RGS18: variants seen among roughly 807,000 people sequenced by gnomAD.
The protein encoded by RGS18 is regulator of G-protein signaling 18.
In RGS18, 22 loss-of-function variants were observed where a neutral mutation model predicts 27.6. The observed-to-expected ratio is 0.80, with a 90% CI of 0.57 to 1.14. The LOEUF (loss-of-function observed/expected upper bound fraction) is 1.14, where lower values mean the gene tolerates loss of function less well. RGS18 is among the 50% of genes most tolerant of loss of function. RGS18 has a pLI of 0.00. For missense variants in RGS18, 299 were observed against 269.6 expected (o/e 1.11, Z -0.76); for synonymous variants, 89 against 84.6 (o/e 1.05, Z -0.29).
chr1:192,180,088 C>A (rs955805241), intron 3 of RGS18, among the ~76,000 whole-genome samples: 3 of 151,518 alleles, frequency 2.0e-5, no homozygotes, highest in Non-Finnish European at 3.0e-5. Context: ...GTTGAAAGAG[C>A]GTTTTTGAAG....
In RGS18 at chr1:192,170,276, GC is replaced by G. The variant is rs1656232316; in HGVS notation, c.283+9839del. On this transcript the variant is annotated intron_variant, in intron 3 of 4. Coordinates refer to ENST00000367460, the MANE Select transcript of RGS18 (RefSeq NM_130782.3). ...ATGTGACCTCTGAAGCTGAAAGTGA[GC>G]CTAGTGGGAGACATTTGGGTCACGG... Among the ~76,000 whole-genome samples, 3 of 152,132 alleles carry G rather than the reference GC, an allele frequency of 2.0e-5. No homozygotes were observed. The South Asian group carries it at 6.2e-4, about 32-fold the overall frequency.
chr1:192,181,709 C>T (rs535909837), intron 4 of RGS18, among the ~76,000 whole-genome samples: 31 of 151,606 alleles, frequency 2.0e-4, no homozygotes, highest in African/African-American at 5.5e-4. Context: ...TGATAATATT[C>T]AATATGTTCT....
chr1:192,177,307 C>G (rs1373643678), intron 3 of RGS18, among the ~76,000 whole-genome samples: 1 of 150,370 alleles, frequency 6.7e-6, no homozygotes, highest in Admixed American at 6.6e-5. Context: ...TTGTCCATAT[C>G]TCTTGTAAAT....
chr1:192,163,951 T>A (rs1656116369), intron 3 of RGS18, among the ~76,000 whole-genome samples: 1 of 151,778 alleles, frequency 6.6e-6, no homozygotes, highest in South Asian at 2.1e-4. Context: ...TCAAATTTTA[T>A]CAAATTTCCT....
intron 1 of RGS18, 125 bp downstream of exon 1, chr1:192,158,881 G>GAA: frequency 7.6e-6 from 5 of 661,118 alleles, no homozygotes; most frequent in Middle Eastern, 2.9e-4. Flanking sequence ...TATAATTTGG[G>GAA]AAAAAAAAAC....
chr1:192,182,736 T>C (rs763037643), intron 4 of RGS18, among the ~76,000 whole-genome samples: 13 of 151,606 alleles, frequency 8.6e-5, no homozygotes, highest in Non-Finnish European at 1.6e-4. Context: ...TTTAGATTCA[T>C]TCACTTATTC....
chr1:192,165,610 G>A (rs1316713803), intron 3 of RGS18, among the ~76,000 whole-genome samples: 1 of 152,090 alleles, frequency 6.6e-6, no homozygotes, highest in Non-Finnish European at 1.5e-5. Context: ...TCTCAGACTG[G>A]CCGACACTTA....
chr1:192,184,251 A>G (rs763412700), intron 4 of RGS18, 46 bp from the exon 5 acceptor site: 53 of 1,555,250 alleles, frequency 3.4e-5, no homozygotes, highest in Non-Finnish European at 4.5e-5. Context: ...AAAGTTGTTT[A>G]TATAAGCATA....
chr1:192,164,407 G>T (rs902913768), intron 3 of RGS18, among the ~76,000 whole-genome samples: 10 of 152,042 alleles, frequency 6.6e-5, no homozygotes, highest in African/African-American at 2.4e-4. Context: ...AAAGGTCACT[G>T]ATTTTTGCTC....
chr1:192,183,237 T>C (rs1656485539), intron 4 of RGS18, among the ~76,000 whole-genome samples: 1 of 151,464 alleles, frequency 6.6e-6, no homozygotes, highest in African/African-American at 2.4e-5. Context: ...CCAACCACCA[T>C]CAGAACCAGA....
At chr1:192,159,939 T>TA (rs572604793) in intron 2 of RGS18, among the ~76,000 whole-genome samples, 15 of 150,442 alleles carry the variant, frequency 1.0e-4, no homozygotes, top group East Asian at 5.8e-4. Flanking sequence ...TGTATCCGTT[T>TA]AAAAAAAAAA....
At chr1:192,162,316 T>G (rs973706437) in intron 3 of RGS18, among the ~76,000 whole-genome samples, 2 of 152,170 alleles carry the variant, frequency 1.3e-5, no homozygotes, top group African/African-American at 4.8e-5. Context: ...TTTGTTTTGT[T>G]TTTGTGTTTT....
Position 192,158,780 on chromosome 1 carries a change from A to G in RGS18, c.119+24A>G, listed in dbSNP as rs763087892. ...AGGTAAAATTGTACAATTTTAAGTC[A>G]GCCTTATACTTTTAAAAGCATAATT... On this transcript the variant is annotated intron_variant, in intron 1 of 4. Coordinates refer to ENST00000367460, the MANE Select transcript of RGS18 (RefSeq NM_130782.3). 46 of 1,444,224 alleles carry G rather than the reference A, an allele frequency of 3.2e-5. No individual in the cohort carries two copies. The East Asian group carries it at 1.1e-3, about 34-fold the overall frequency. The allele number at this position is 1,444,224 out of a possible 1,614,324, so 89.5% of individuals were successfully genotyped here. A position where few individuals can be genotyped will look rare whatever the true frequency, so the allele number is the denominator to read the frequency against.
rs1240394290 is a variant in RGS18, at chr1:192,181,418, C to G, written c.410C>G (p.Ala137Gly). The G allele has an allele frequency of 1.9e-6, 3 of 1,582,574 alleles. No homozygotes were observed. Among genetic ancestry groups the G allele is most frequent in the Non-Finnish European group, 2.6e-6 (3 of 1,167,112 alleles). The change falls in exon 4 of 5, where the codon GCA becomes GGA. Residue 137 changes from alanine to glycine, a missense_variant. Physicochemically the swap from Ala to Gly is moderately conservative, Grantham distance 60. Transcript: ENST00000367460. ...GPQQIHLKAK[A>G]IYEKFIQTDA... The stretch of plus-strand genomic sequence containing the variant: ...CAACAAATTCACCTTAAAGCAAAAG[C>G]AATATATGAGAAATTTATACAGACT...
In RGS18 at chr1:192,160,342, C is replaced by CA. The variant is rs768741824; in HGVS notation, c.222-35dup. The CA allele has an allele frequency of 5.7e-6, 8 of 1,413,304 alleles. No homozygotes were observed. In the East Asian group the frequency reaches 1.8e-4, roughly 32 times the overall value. 87.5% of individuals were successfully genotyped at this position (1,413,304 alleles called of 1,614,324 possible). A position where few individuals can be genotyped will look rare whatever the true frequency, so the allele number is the denominator to read the frequency against. The stretch of plus-strand genomic sequence containing the variant: ...AACAGATTCATAAACAGACTTTCTG[C>CA]ACACTCCATTATAAAACATTTTGTT... On this transcript the variant is annotated intron_variant, in intron 2 of 4. Coordinates refer to ENST00000367460, the MANE Select transcript of RGS18 (RefSeq NM_130782.3).
chr1:192,183,022 A>G (rs1656481791), intron 4 of RGS18, among the ~76,000 whole-genome samples: 1 of 151,642 alleles, frequency 6.6e-6, no homozygotes, highest in Non-Finnish European at 1.5e-5. Context: ...TAATTGTGTG[A>G]TACAATTGCT....
chr1:192,164,102 A>C (rs1439186860), intron 3 of RGS18, among the ~76,000 whole-genome samples: 2 of 152,128 alleles, frequency 1.3e-5, no homozygotes, highest in African/African-American at 4.8e-5. Flanking sequence ...TGGGTATTCA[A>C]TTTGACAAAA....
chr1:192,183,093 C>T (rs756754523), intron 4 of RGS18, among the ~76,000 whole-genome samples: 1 of 151,466 alleles, frequency 6.6e-6, no homozygotes, highest in Non-Finnish European at 1.5e-5. Context: ...TTAAGTAGAG[C>T]TTCAAAGTTT....
chr1:192,170,893 T>G (rs1656243295), intron 3 of RGS18, among the ~76,000 whole-genome samples: 1 of 152,118 alleles, frequency 6.6e-6, no homozygotes, highest in African/African-American at 2.4e-5. Context: ...TCTTGGACAA[T>G]TCATGACACA....
Sources: gnomAD v4.1 joint callset for allele counts (sites outside exome capture counted in the v4.1 genomes callset) on GRCh38, gnomAD v4.1.1 for gene constraint, MANE v1.5 for transcripts, NCBI Gene and HGNC (gene_info 2026-07-23, HGNC 2026-07-21) for gene names.